Variants in XKR4 observed in about 807,000 individuals in gnomAD.
The protein encoded by XKR4 is XK-related protein 4.
A neutral mutation model predicts 53.9 loss-of-function variants in XKR4; 12 were observed. That is an observed-to-expected ratio of 0.22 (90% CI 0.14 to 0.36). The LOEUF (loss-of-function observed/expected upper bound fraction) is 0.36, where lower values mean the gene tolerates loss of function less well. Ranked by LOEUF, XKR4 falls within the 10% of genes least tolerant of loss-of-function variation. The pLI is 1.00. For synonymous variants in XKR4, 354 were observed against 362.4 expected (o/e 0.98, Z 0.26); for missense variants, 799 against 859.5 (o/e 0.93, Z 0.88).
intron 1 of XKR4, among the ~76,000 whole-genome samples, chr8:55,313,847 G>T (rs754014940): frequency 6.6e-6 from 1 of 152,128 alleles, no homozygotes; most frequent in Non-Finnish European, 1.5e-5. Flanking sequence ...ACAGAATAAC[G>T]AATTAGAATG....
rs1253100965 is a variant in XKR4, at chr8:55,532,389, C to G, written c.*8162C>G. 1 of 152,212 alleles carries G rather than the reference C, an allele frequency of 6.6e-6. No homozygotes were observed. Among genetic ancestry groups the G allele is most frequent in the East Asian group, 1.9e-4 (1 of 5,188 alleles). The allele number at this position is 152,212 out of a possible 1,614,324, so 9.4% of individuals were successfully genotyped here. On this transcript the variant is annotated 3_prime_UTR_variant, in exon 3 of 3. Transcript: ENST00000327381. ...AAAAATCTTGTTTAACGAAAAAAAT[C>G]AATACCAAAACTAATTAATCAAAAT...
intron 1 of XKR4, among the ~76,000 whole-genome samples, chr8:55,308,504 G>T (rs1478787159): frequency 2.6e-5 from 4 of 152,106 alleles, no homozygotes; most frequent in Middle Eastern, 3.2e-3. Context: ...AGAACAGCAT[G>T]GGGGAAACTG....
intron 1 of XKR4, among the ~76,000 whole-genome samples, chr8:55,329,148 C>T (rs1308657367): frequency 2.6e-5 from 4 of 152,052 alleles, no homozygotes; most frequent in African/African-American, 9.7e-5. Flanking sequence ...AAATCTCATG[C>T]CCCTGCCCCT....
At chr8:55,515,961 G>A (rs991659686) in intron 2 of XKR4, among the ~76,000 whole-genome samples, 5 of 152,222 alleles carry the variant, frequency 3.3e-5, no homozygotes, top group African/African-American at 4.8e-5. Flanking sequence ...CCAATCCATT[G>A]TGGTGGATGG....
intron 1 of XKR4, chr8:55,272,873 C>T: frequency 2.2e-6 from 1 of 450,124 alleles, no homozygotes; most frequent in Non-Finnish European, 4.4e-6. Flanking sequence ...AGAATGACTT[C>T]CTTTCCTCTA....
At chr8:55,284,189 A>C (rs1818876458) in intron 1 of XKR4, among the ~76,000 whole-genome samples, 1 of 152,218 alleles carries the variant, frequency 6.6e-6, no homozygotes, top group Non-Finnish European at 1.5e-5. Flanking sequence ...CTTATTTCTT[A>C]TGTGAGAAAA....
At chr8:55,429,476 A>T (rs1252421840) in intron 2 of XKR4, among the ~76,000 whole-genome samples, 2 of 152,170 alleles carry the variant, frequency 1.3e-5, no homozygotes, top group Admixed American at 6.5e-5. Context: ...TTGGGAGCCA[A>T]GGCAGGAGAA....
chr8:55,457,026 A>AG (rs397818040), intron 2 of XKR4, among the ~76,000 whole-genome samples: 25 of 149,204 alleles, frequency 1.7e-4, no homozygotes, highest in South Asian at 1.3e-3. Context: ...TTGAAAAAAG[A>AG]AAAAAATGAC....
At chr8:55,309,879 G>A (rs1386890041) in intron 1 of XKR4, among the ~76,000 whole-genome samples, 2 of 152,184 alleles carry the variant, frequency 1.3e-5, no homozygotes, top group Non-Finnish European at 2.9e-5. Context: ...TGGTACACTA[G>A]CTCCCTTGCC....
At chr8:55,244,689 T>C (rs1818258570) in intron 1 of XKR4, among the ~76,000 whole-genome samples, 1 of 152,188 alleles carries the variant, frequency 6.6e-6, no homozygotes, top group Non-Finnish European at 1.5e-5. Flanking sequence ...CAGCAGTGTA[T>C]AAGCATTCCC....
intron 2 of XKR4, among the ~76,000 whole-genome samples, chr8:55,511,074 G>A (rs1806618675): frequency 2.0e-5 from 3 of 152,134 alleles, no homozygotes; most frequent in South Asian, 2.1e-4. Context: ...TTATTAAATG[G>A]TCCCAGCAGC....
intron 2 of XKR4, among the ~76,000 whole-genome samples, chr8:55,412,498 C>T (rs2658899): frequency 0.7 from 106,260 of 152,082 alleles, 38,404 homozygotes; most frequent in African/African-American, 0.89. Flanking sequence ...CCAGTATTCC[C>T]TTATTCCCAA....
At chr8:55,317,292 T>C (rs1586007509) in intron 1 of XKR4, among the ~76,000 whole-genome samples, 1 of 152,154 alleles carries the variant, frequency 6.6e-6, no homozygotes, top group Non-Finnish European at 1.5e-5. Context: ...TAGTCTGAGT[T>C]TTGCATCTAA....
chr8:55,130,231 A>G (rs999108517), intron 1 of XKR4, among the ~76,000 whole-genome samples: 1 of 108,128 alleles, frequency 9.2e-6, no homozygotes, highest in Non-Finnish European at 2.2e-5. Flanking sequence ...GTCAGGTGTT[A>G]TCTGCTACAA....
In XKR4 at chr8:55,267,690, A is replaced by G. The variant is rs574462522; in HGVS notation, c.807-89988A>G. 3.3e-5 allele frequency among the ~76,000 whole-genome samples: 5 copies of G among 152,218 alleles called. 1 individual carries two copies. The South Asian group carries it at 6.2e-4, about 19-fold the overall frequency. ...TATTATCTTTTTTTTCATTTTTGCA[A>G]TAGAGTTGCATTATTTTTATAATGA... is the stretch of plus-strand genomic sequence containing the variant. On this transcript the variant is annotated intron_variant, in intron 1 of 2. Transcript: ENST00000327381.
intron 2 of XKR4, among the ~76,000 whole-genome samples, chr8:55,429,595 A>C (rs150353894): frequency 1.3e-5 from 2 of 152,156 alleles, no homozygotes; most frequent in East Asian, 3.9e-4. Context: ...TGCACCTGTC[A>C]TACCAGCTAC....
chr8:55,392,565 T>C (rs1025617237), intron 2 of XKR4, among the ~76,000 whole-genome samples: 1 of 151,936 alleles, frequency 6.6e-6, no homozygotes, highest in African/African-American at 2.4e-5. Flanking sequence ...CTGAGGCGGG[T>C]AGATTGCTTG....
chr8:55,156,668 A>C (rs756406094), intron 1 of XKR4, among the ~76,000 whole-genome samples: 1 of 152,118 alleles, frequency 6.6e-6, no homozygotes, highest in Admixed American at 6.5e-5. Context: ...TTTTTCCCCC[A>C]TTGTAAGTCT....
At chr8:55,449,112 G>A (rs1476263018) in intron 2 of XKR4, among the ~76,000 whole-genome samples, 4 of 150,716 alleles carry the variant, frequency 2.7e-5, no homozygotes, top group South Asian at 2.1e-4. Context: ...TAAAATTGTC[G>A]AAAATTGACC....
Sources: gnomAD v4.1 joint callset for allele counts (sites outside exome capture counted in the v4.1 genomes callset) on GRCh38, gnomAD v4.1.1 for gene constraint, MANE v1.5 for transcripts, NCBI Gene and HGNC (gene_info 2026-07-23, HGNC 2026-07-21) for gene names.